The following ACCSL variants were observed in gnomAD, a reference collection of about 807,000 sequenced individuals.
ACCSL encodes 1-aminocyclopropane-1-carboxylate synthase homolog (inactive) like.
ACCSL carries 55 observed loss-of-function variants against 61.7 expected under a neutral mutation model. That is an observed-to-expected ratio of 0.89 (90% CI 0.72 to 1.12). The LOEUF is 1.12. Ranked by LOEUF, ACCSL falls within the 50% of genes most tolerant of loss-of-function variation. The probability of loss-of-function intolerance (pLI) is 0.00; values close to 1 mark genes in which losing one functional copy is unlikely to be tolerated. For missense variants in ACCSL, 632 were observed against 698.0 expected (o/e 0.91, Z 1.07); for synonymous variants, 258 against 264.3 (o/e 0.98, Z 0.23).
upstream of ACCSL, among the ~76,000 whole-genome samples, chr11:44,043,183 G>A (rs1478951133): frequency 3.3e-5 from 5 of 152,066 alleles, no homozygotes; most frequent in East Asian, 1.9e-4. Context: ...TAAGTATACC[G>A]TTTGAGCTTG....
the ACCSL span, among the ~76,000 whole-genome samples, chr11:43,982,641 G>C: frequency 6.6e-6 from 1 of 152,144 alleles, no homozygotes; most frequent in Non-Finnish European, 1.5e-5. Flanking sequence ...CGAGTCCCTG[G>C]CACTCTGACC....
chr11:44,015,532 C>T, the ACCSL span, among the ~76,000 whole-genome samples: 19,317 of 152,090 alleles, frequency 0.13, 1,619 homozygotes, highest in East Asian at 0.29. Context: ...GCAGACAAGA[C>T]GCCGGCCCAA....
chr11:44,004,767 T>A, the ACCSL span, among the ~76,000 whole-genome samples: 1 of 152,162 alleles, frequency 6.6e-6, no homozygotes, highest in South Asian at 2.1e-4. Flanking sequence ...TGACAGCATC[T>A]GGGAGCTGGT....
At chr11:43,970,448 C>T in the ACCSL span, among the ~76,000 whole-genome samples, 1 of 152,164 alleles carries the variant, frequency 6.6e-6, no homozygotes, top group Non-Finnish European at 1.5e-5. Flanking sequence ...AAGTGATCTG[C>T]CCACCTTGGC....
chr11:44,012,548 A>C, the ACCSL span, among the ~76,000 whole-genome samples: 1 of 152,150 alleles, frequency 6.6e-6, no homozygotes, highest in African/African-American at 2.4e-5. Context: ...CTGCCACCCA[A>C]CGTGCTGGGA....
At chr11:44,050,007 C>G (rs776478469) in intron 1 of ACCSL, 55 bp from the exon 2 acceptor site, 38 of 1,610,636 alleles carry the variant, frequency 2.4e-5, no homozygotes, top group Non-Finnish European at 3.1e-5. Flanking sequence ...TTCAAGGGAT[C>G]TATGTAGGGT....
chr11:44,017,420 C>T, the ACCSL span, among the ~76,000 whole-genome samples: 100,969 of 152,044 alleles, frequency 0.66, 33,862 homozygotes, highest in Middle Eastern at 0.72. Flanking sequence ...CCTGCAAGGC[C>T]TTATGCAAAA....
chr11:43,929,368 T>C, the ACCSL span, among the ~76,000 whole-genome samples: 24 of 152,244 alleles, frequency 1.6e-4, no homozygotes, highest in African/African-American at 5.8e-4. Flanking sequence ...TATAGGCACA[T>C]GCCATCATGC....
At chr11:43,927,248 A>T in the ACCSL span, among the ~76,000 whole-genome samples, 1 of 152,182 alleles carries the variant, frequency 6.6e-6, no homozygotes, top group Admixed American at 6.5e-5. Context: ...TTATTTAACC[A>T]GTTCCTTTGT....
chr11:44,001,432 C>T, the ACCSL span, among the ~76,000 whole-genome samples: 13 of 151,124 alleles, frequency 8.6e-5, no homozygotes, highest in African/African-American at 2.9e-4. Flanking sequence ...GGCATCCAAA[C>T]TTTGAAAAAA....
the ACCSL span, among the ~76,000 whole-genome samples, chr11:43,954,579 T>C: frequency 7.5e-6 from 1 of 132,568 alleles, no homozygotes; most frequent in Admixed American, 7.3e-5. Flanking sequence ...CTGTTTCTTT[T>C]CTTTCTTTCT....
chr11:44,031,991 C>T, the ACCSL span, among the ~76,000 whole-genome samples: 7 of 152,196 alleles, frequency 4.6e-5, no homozygotes, highest in South Asian at 2.1e-4. Context: ...GAGTCAGCAT[C>T]GGTGAAATGG....
chr11:44,026,617 A>T, the ACCSL span, among the ~76,000 whole-genome samples: 6 of 152,200 alleles, frequency 3.9e-5, no homozygotes, highest in Non-Finnish European at 7.3e-5. Context: ...GTAATTTTTA[A>T]ATTGAAATAT....
chr11:44,024,136 AG>A, the ACCSL span, among the ~76,000 whole-genome samples: 1 of 152,214 alleles, frequency 6.6e-6, no homozygotes, highest in Non-Finnish European at 1.5e-5. Context: ...GGGCATCATC[AG>A]TCTACTGATG....
At chr11:43,972,153 A>G in the ACCSL span, among the ~76,000 whole-genome samples, 5 of 152,138 alleles carry the variant, frequency 3.3e-5, no homozygotes, top group Non-Finnish European at 5.9e-5. Flanking sequence ...TCCTACATTG[A>G]CTTTTCCCAA....
At chr11:43,976,442 T>C in the ACCSL span, among the ~76,000 whole-genome samples, 4 of 152,220 alleles carry the variant, frequency 2.6e-5, no homozygotes, top group East Asian at 7.7e-4. Context: ...ATTTAAATCC[T>C]GAAAGAGTTA....
At chr11:44,035,283 G>A in the ACCSL span, among the ~76,000 whole-genome samples, 10,477 of 151,684 alleles carry the variant, frequency 0.069, 391 homozygotes, top group Non-Finnish European at 0.092. Context: ...TCTCGTTGCC[G>A]TCTCTCTTCC....
At chr11:43,990,872 A>C in the ACCSL span, among the ~76,000 whole-genome samples, 1 of 152,120 alleles carries the variant, frequency 6.6e-6, no homozygotes, top group Non-Finnish European at 1.5e-5. Flanking sequence ...AGAGTTCAAG[A>C]CCAGCCTGGC....
chr11:43,990,910 A>G, the ACCSL span, among the ~76,000 whole-genome samples: 7 of 152,210 alleles, frequency 4.6e-5, no homozygotes, highest in Non-Finnish European at 8.8e-5. Context: ...GCCTCTACTA[A>G]AAATGCAAAA....
Sources: gnomAD v4.1 joint callset for allele counts (sites outside exome capture counted in the v4.1 genomes callset) on GRCh38, gnomAD v4.1.1 for gene constraint, MANE v1.5 for transcripts, NCBI Gene and HGNC (gene_info 2026-07-23, HGNC 2026-07-21) for gene names.